Variants in C1QTNF3 observed in about 807,000 individuals in gnomAD.
C1QTNF3 encodes the protein complement C1q tumor necrosis factor-related protein 3.
In C1QTNF3, 26 loss-of-function variants were observed where a neutral mutation model predicts 32.6. That is an observed-to-expected ratio of 0.80 (90% confidence interval 0.58 to 1.11). The LOEUF (loss-of-function observed/expected upper bound fraction) is 1.11, where lower values mean the gene tolerates loss of function less well. Ranked by LOEUF, C1QTNF3 falls within the 50% of genes least tolerant of loss-of-function variation. The pLI is 0.00. For synonymous variants in C1QTNF3, 155 were observed against 146.0 expected (o/e 1.06, Z -0.44); for missense variants, 362 against 398.2 (o/e 0.91, Z 0.77).
intron 5 of C1QTNF3, among the ~76,000 whole-genome samples, 164 bp downstream of exon 5, chr5:34,023,745 A>C (rs939803686): frequency 8.5e-5 from 13 of 152,228 alleles, no homozygotes; most frequent in African/African-American, 3.1e-4. Context: ...CTTTTTCCCA[A>C]ACAATAATGA....
At chr5:34,161,928 ACC>A in the C1QTNF3 span, among the ~76,000 whole-genome samples, 1 of 152,112 alleles carries the variant, frequency 6.6e-6, no homozygotes, top group Non-Finnish European at 1.5e-5. Flanking sequence ...TTTGGGTACA[ACC>A]ATTTAATTTT....
chr5:34,221,327 C>T, the C1QTNF3 span, among the ~76,000 whole-genome samples: 5 of 152,038 alleles, frequency 3.3e-5, no homozygotes, highest in South Asian at 1.0e-3. Context: ...CAAATACATA[C>T]GGCTGTTTTT....
At chr5:34,062,836 T>A in the C1QTNF3 span, among the ~76,000 whole-genome samples, 2 of 152,218 alleles carry the variant, frequency 1.3e-5, no homozygotes, top group African/African-American at 4.8e-5. Flanking sequence ...CCCCATACTT[T>A]AAGATTTTTG....
the C1QTNF3 span, among the ~76,000 whole-genome samples, chr5:34,135,989 AG>A: frequency 6.6e-6 from 1 of 151,802 alleles, no homozygotes; most frequent in African/African-American, 2.4e-5. Flanking sequence ...AATTAATTCA[AG>A]ATGGATTAAA....
chr5:34,159,624 C>G, the C1QTNF3 span, among the ~76,000 whole-genome samples: 38 of 152,010 alleles, frequency 2.5e-4, 1 homozygote, highest in South Asian at 7.5e-3. Context: ...TAAAATTTAA[C>G]TTTTGAATGT....
the C1QTNF3 span, among the ~76,000 whole-genome samples, chr5:34,095,651 G>C: frequency 1.3e-5 from 2 of 150,530 alleles, no homozygotes; most frequent in Non-Finnish European, 3.0e-5. Flanking sequence ...ATAGCAATTT[G>C]TGGTACATAG....
chr5:34,172,166 T>G, the C1QTNF3 span, among the ~76,000 whole-genome samples: 1 of 152,172 alleles, frequency 6.6e-6, no homozygotes, highest in African/African-American at 2.4e-5. Flanking sequence ...AAACTGTAGG[T>G]AGTTCAAATC....
chr5:34,244,663 C>T, the C1QTNF3 span: 1 of 152,076 alleles, frequency 6.6e-6, no homozygotes, highest in Non-Finnish European at 1.5e-5. Context: ...AATCCTCCAG[C>T]TAGACGTAGT....
the C1QTNF3 span, among the ~76,000 whole-genome samples, chr5:34,097,026 A>T: frequency 1.3e-5 from 2 of 151,840 alleles, no homozygotes; most frequent in African/African-American, 4.8e-5. Context: ...GTAAATTAAC[A>T]AATTTTAGCC....
the C1QTNF3 span, among the ~76,000 whole-genome samples, chr5:34,217,148 T>C: frequency 6.6e-6 from 1 of 152,162 alleles, no homozygotes; most frequent in African/African-American, 2.4e-5. Context: ...TCATGCATAG[T>C]CTGCAACCTT....
the C1QTNF3 span, among the ~76,000 whole-genome samples, chr5:34,230,064 G>A: frequency 6.6e-6 from 1 of 152,180 alleles, no homozygotes; most frequent in South Asian, 2.1e-4. Flanking sequence ...AAATATACCA[G>A]CACCTTAATC....
chr5:34,224,807 CTCATTAA>C, the C1QTNF3 span, among the ~76,000 whole-genome samples: 1 of 152,112 alleles, frequency 6.6e-6, no homozygotes, highest in African/African-American at 2.4e-5. Flanking sequence ...CAAATGGGAT[CTCATTAA>C]ACTAAAGAGC....
At chr5:34,067,108 C>G in the C1QTNF3 span, among the ~76,000 whole-genome samples, 1 of 152,342 alleles carries the variant, frequency 6.6e-6, no homozygotes, top group African/African-American at 2.4e-5. Context: ...CAGTTCCCAA[C>G]AAGTTTCTCA....
the C1QTNF3 span, among the ~76,000 whole-genome samples, chr5:34,083,757 C>A: frequency 6.6e-6 from 1 of 151,704 alleles, no homozygotes; most frequent in African/African-American, 2.4e-5. Flanking sequence ...TCTTCCATTT[C>A]CAAAACATTT....
chr5:34,019,559 T>C lies in C1QTNF3; in HGVS notation c.*1024A>G, dbSNP rs1308912085. 1 of 152,246 alleles carries C rather than the reference T, an allele frequency of 6.6e-6. No individual in the cohort carries two copies. The highest frequency in any genetic ancestry group is 1.9e-4 in the East Asian group (1 of 5,204). 9.4% of individuals were successfully genotyped at this position (152,246 alleles called of 1,614,324 possible). A position where few individuals can be genotyped will look rare whatever the true frequency, so the allele number is the denominator to read the frequency against. On this transcript the variant is annotated 3_prime_UTR_variant, in exon 6 of 6. Transcript: ENST00000382065. Reference sequence around the variant, plus strand: ...AAAAGCGAAGTTTTCTGAAGTCATATGACCCTGCTGTGTGCCCAAGTCACC... The same window carrying C: ...AAAAGCGAAGTTTTCTGAAGTCATACGACCCTGCTGTGTGCCCAAGTCACC...
intron 1 of C1QTNF3, among the ~76,000 whole-genome samples, chr5:34,036,585 T>G (rs973282165): frequency 6.6e-6 from 1 of 152,036 alleles, no homozygotes; most frequent in South Asian, 2.1e-4. Context: ...ATCTACATCT[T>G]GAAACAACTT....
At chr5:34,076,173 A>G in the C1QTNF3 span, among the ~76,000 whole-genome samples, 2 of 151,508 alleles carry the variant, frequency 1.3e-5, no homozygotes, top group Non-Finnish European at 2.9e-5. Flanking sequence ...TCATTTTGCA[A>G]GAAGAGCCCT....
intron 5 of C1QTNF3, among the ~76,000 whole-genome samples, chr5:34,021,268 C>T (rs916360550): frequency 6.6e-6 from 1 of 152,160 alleles, no homozygotes; most frequent in African/African-American, 2.4e-5. Context: ...ATATCATGGT[C>T]TGGGAAAGCA....
chr5:34,033,733 T>C (rs1754672137), intron 2 of C1QTNF3, among the ~76,000 whole-genome samples: 1 of 152,100 alleles, frequency 6.6e-6, no homozygotes, highest in African/African-American at 2.4e-5. Context: ...ATAGCAAAGA[T>C]TGGAAACCAC....
Sources: gnomAD v4.1 joint callset for allele counts (sites outside exome capture counted in the v4.1 genomes callset) on GRCh38, gnomAD v4.1.1 for gene constraint, MANE v1.5 for transcripts, NCBI Gene and HGNC (gene_info 2026-07-23, HGNC 2026-07-21) for gene names.